The following ENDOV variants were observed in gnomAD, a reference collection of about 807,000 sequenced individuals.
ENDOV encodes the protein endonuclease V.
Under a neutral mutation model 39.4 loss-of-function variants are expected in ENDOV, and 37 were observed. The ratio of observed to expected loss-of-function variants is 0.94; its 90% CI spans 0.72 to 1.23. ENDOV has a LOEUF of 1.23. ENDOV is among the 50% of genes most tolerant of loss of function. The pLI is 0.00. For synonymous variants in ENDOV, 186 were observed against 163.4 expected (o/e 1.14, Z -1.05); for missense variants, 441 against 375.7 (o/e 1.17, Z -1.44).
intron 9 of ENDOV, 80 bp from the exon 10 acceptor site, chr17:80,436,053 C>A: frequency 6.6e-7 from 1 of 1,511,940 alleles, no homozygotes; most frequent in Non-Finnish European, 9.1e-7. Flanking sequence ...CTGCACCTGG[C>A]CCATTTCCAC....
chr17:80,424,960 A>G lies in ENDOV; in HGVS notation c.517-72A>G, dbSNP rs1229113151. 1.1e-5 allele frequency: 15 copies of G among 1,339,704 alleles called. No homozygotes were observed. In the East Asian group the frequency reaches 3.4e-4, roughly 31 times the overall value. The allele number at this position is 1,339,704 out of a possible 1,614,324, so 83.0% of individuals were successfully genotyped here. A position where few individuals can be genotyped will look rare whatever the true frequency, so the allele number is the denominator to read the frequency against. On this transcript the variant is annotated intron_variant, in intron 5 of 9. Transcript: ENST00000518137. ...ACAGTGCGACACTCCGTCTCAAAAA[A>G]TAGAGACTTGCCTTCAGCCCTTCAC...
At chr17:80,436,063 C>T in intron 9 of ENDOV, 70 bp from the exon 10 acceptor site, 1 of 1,564,422 alleles carries the variant, frequency 6.4e-7, no homozygotes, top group Non-Finnish European at 8.7e-7. Context: ...CCCATTTCCA[C>T]TTCCTCCTTT....
Position 80,415,793 on chromosome 17 carries a change from T to G in ENDOV, c.200T>G (p.Leu67Arg). 1 of 1,601,666 alleles carries G rather than the reference T, an allele frequency of 6.2e-7. No individual in the cohort carries two copies. Among genetic ancestry groups the G allele is most frequent in the Non-Finnish European group, 8.5e-7 (1 of 1,174,236 alleles). ...KGDSVRACASLVVLSFPELEV... is the reference protein window; with the variant it reads ...KGDSVRACASRVVLSFPELEV... ...GACAGTGTCCGCGCTTGTGCTTCCC[T>G]GGTGGTGCTCAGCTTCCCTGAGCTC... The change falls in exon 2 of 10, where the codon CTG becomes CGG. Residue 67 changes from leucine to arginine, a missense_variant. Transcript: ENST00000518137.
chr17:80,433,237 A>G (rs2083432603), intron 9 of ENDOV: 2 of 519,840 alleles, frequency 3.8e-6, no homozygotes, highest in Admixed American at 3.9e-5. Flanking sequence ...CGCATCCCAC[A>G]GGGGTCAGTA....
chr17:80,415,742 GC>G lies in ENDOV; in HGVS notation c.150del (p.Val51LeufsTer6). 6.2e-7 allele frequency: 1 copy of G among 1,607,256 alleles called. No homozygotes were observed. On this transcript the variant is annotated frameshift_variant, in exon 2 of 10. Transcript: ENST00000518137. LOFTEE classifies it high-confidence loss of function. ...PAFSGLQRVGGVDVSFVKGDS... is the reference protein window; with the variant it reads ...PAFSGLQRVGXVDVSFVKGDS... ...TTCTCGGGTCTGCAGAGGGTCGGGG[GC>G]GTTGACGTGTCCTTCGTGAAAGGGG...
chr17:80,431,345 G>A (rs1376987751), intron 9 of ENDOV, among the ~76,000 whole-genome samples: 1 of 152,216 alleles, frequency 6.6e-6, no homozygotes, highest in East Asian at 1.9e-4. Flanking sequence ...CAGGGGCAGA[G>A]GCTCTGGAAA....
At position 80,428,652 on chromosome 17, in the gene ENDOV, C is replaced by A; in HGVS notation, c.771C>A (p.Pro257=). 6.3e-7 allele frequency: 1 copy of A among 1,580,474 alleles called. No individual in the cohort carries two copies. The highest frequency in any genetic ancestry group is 2.3e-5 in the East Asian group (1 of 43,190). The change falls in exon 8 of 10, where the codon CCC becomes CCA. Residue 257 remains proline, a synonymous_variant. Coordinates refer to ENST00000518137, the MANE Select transcript of ENDOV (RefSeq NM_173627.5). ...IRKSLGLPGP[P]TPRSPKAQRP... is the part of the protein sequence containing the mutation. ...AGTCGCTGGGACTCCCCGGGCCACCCACACCGAGGTGAGCACCCAGGGAGG... is the reference window on the plus strand; with the variant it reads ...AGTCGCTGGGACTCCCCGGGCCACCAACACCGAGGTGAGCACCCAGGGAGG...
chr17:80,415,353 A>G (rs1043794309), intron 1 of ENDOV, 103 bp downstream of exon 1: 8 of 1,352,988 alleles, frequency 5.9e-6, no homozygotes, highest in African/African-American at 1.5e-5. Flanking sequence ...CGGAGCTGCC[A>G]CCGCCCGAGA....
chr17:80,415,380 A>C, intron 1 of ENDOV, 130 bp downstream of exon 1: 2 of 1,208,160 alleles, frequency 1.7e-6, no homozygotes, highest in East Asian at 5.0e-5. Flanking sequence ...AGCAAAGCCC[A>C]GTTTCCGGCG....
At position 80,436,188 on chromosome 17, in the gene ENDOV, C is replaced by T. The variant is rs200759604; in HGVS notation, c.*45C>T. 2.0e-5 allele frequency: 31 copies of T among 1,588,238 alleles called. No individual in the cohort carries two copies. The highest frequency in any genetic ancestry group is 5.4e-5 in the African/African-American group (4 of 73,918). On this transcript the variant is annotated 3_prime_UTR_variant, in exon 10 of 10. Coordinates refer to ENST00000518137, the MANE Select transcript of ENDOV (RefSeq NM_173627.5). ...CGTCCTCGTCTCATTCCTGATCGAA[C>T]GCGGTGGTGAGAGCACACGTCCTCG...
At chr17:80,435,417 G>A (rs2083539142) in intron 9 of ENDOV, among the ~76,000 whole-genome samples, 1 of 152,156 alleles carries the variant, frequency 6.6e-6, no homozygotes. Context: ...AAGGGAGCAG[G>A]TCCCATGTCA....
rs554256400 is a variant in ENDOV, at chr17:80,415,175, G to A, written c.-20G>A. 9.9e-6 allele frequency: 16 copies of A among 1,612,314 alleles called. No individual in the cohort carries two copies. In the African/African-American group the frequency reaches 1.9e-4, roughly 19 times the overall value. The stretch of plus-strand genomic sequence containing the variant: ...TCGCTTCCGGAAGTGACGTGCGGAA[G>A]GGGTGCCCGGGACGAAGCCATGGCC... On this transcript the variant is annotated 5_prime_UTR_variant, in exon 1 of 10. Coordinates refer to ENST00000518137, the MANE Select transcript of ENDOV (RefSeq NM_173627.5).
At chr17:80,415,470 C>A in intron 1 of ENDOV, 180 bp from the exon 2 acceptor site, 1 of 1,018,366 alleles carries the variant, frequency 9.8e-7, no homozygotes, top group Non-Finnish European at 1.4e-6. Context: ...CTGGCCTGCG[C>A]TTGCGCGGGT....
chr17:80,425,497 G>A lies in ENDOV; in HGVS notation c.591G>A (p.Leu197=), dbSNP rs2082584688. 1.3e-6 allele frequency: 2 copies of A among 1,596,836 alleles called. No individual in the cohort carries two copies. Among genetic ancestry groups the A allele is most frequent in the South Asian group, 1.1e-5 (1 of 88,782 alleles). The change falls in exon 7 of 10, where the codon CTG becomes CTA. Residue 197 remains leucine (L), a synonymous_variant. Coordinates refer to ENST00000518137, the MANE Select transcript of ENDOV (RefSeq NM_173627.5). ...GDSGTVLGMA[L]RSHDRSTRPL... ...CCTCGCCTTCCTTGTCACAGGCCCT[G>A]AGGAGCCACGACCGCAGCACCAGGC...
chr17:80,428,531 A>G (rs1052275284), intron 7 of ENDOV, 65 bp from the exon 8 acceptor site: 2 of 1,480,430 alleles, frequency 1.4e-6, no homozygotes, highest in Admixed American at 4.0e-5. Context: ...TGCCAGCAGC[A>G]GCTCCTGGTG....
At chr17:80,416,077 A>G in intron 2 of ENDOV, 1 of 367,044 alleles carries the variant, frequency 2.7e-6, no homozygotes, top group South Asian at 2.6e-5. Flanking sequence ...GTCTCTACTA[A>G]AAATACAAAA....
chr17:80,427,647 A>G, intron 7 of ENDOV: 1 of 1,207,192 alleles, frequency 8.3e-7, no homozygotes, highest in South Asian at 1.4e-5. Context: ...TTTCTTCCTG[A>G]GCTCACTCAC....
intron 7 of ENDOV, among the ~76,000 whole-genome samples, chr17:80,426,179 A>C (rs1430020634): frequency 2.0e-5 from 3 of 152,204 alleles, no homozygotes; most frequent in Non-Finnish European, 4.4e-5. Flanking sequence ...CCAGGGAGAG[A>C]CAGCTGGCAC....
chr17:80,422,585 C>A (rs1247055823), intron 4 of ENDOV, among the ~76,000 whole-genome samples: 2 of 152,264 alleles, frequency 1.3e-5, no homozygotes, highest in East Asian at 1.9e-4. Context: ...AGTGGCCTTC[C>A]CTGCCAGCCG....
Sources: allele counts gnomAD v4.1 joint callset (sites outside exome capture counted in the v4.1 genomes callset), GRCh38; gene constraint gnomAD v4.1.1; transcripts MANE v1.5; gene names NCBI Gene and HGNC (gene_info 2026-07-23, HGNC 2026-07-21).